The following DNAJC12 variants were observed in gnomAD, a reference collection of about 807,000 sequenced individuals.
DNAJC12 encodes the protein dnaJ homolog subfamily C member 12.
In DNAJC12, 25 loss-of-function variants were observed where a neutral mutation model predicts 28.5. The ratio of observed to expected loss-of-function variants is 0.88; its 90% CI spans 0.64 to 1.22. The LOEUF (loss-of-function observed/expected upper bound fraction) is 1.22. Ranked by LOEUF, DNAJC12 falls within the 50% of genes most tolerant of loss-of-function variation. The pLI is 0.00. For synonymous variants in DNAJC12, 77 were observed against 80.6 expected, an observed-to-expected ratio of 0.95 and a Z score of 0.24; for missense variants, 222 against 231.7, an observed-to-expected ratio of 0.96 and a Z score of 0.27.
At chr10:67,822,693 G>T (rs1030819238) in intron 2 of DNAJC12, among the ~76,000 whole-genome samples, 1 of 152,068 alleles carries the variant, frequency 6.6e-6, no homozygotes, top group African/African-American at 2.4e-5. Context: ...ATCACAACAA[G>T]TTTCTCATGA....
intron 3 of DNAJC12, 23 bp downstream of exon 3, chr10:67,811,501 G>A (rs201856212): frequency 2.4e-5 from 39 of 1,613,532 alleles, no homozygotes; most frequent in East Asian, 2.2e-4. Flanking sequence ...ACAAATTCAC[G>A]TCGCACCCAG....
chr10:67,808,718 A>G (rs1456484453), intron 3 of DNAJC12: 2 of 152,318 alleles, frequency 1.3e-5, no homozygotes, highest in African/African-American at 4.8e-5. Context: ...GCCATAGATC[A>G]GCTGAATAGC....
chr10:67,829,624 G>C (rs572359173), intron 1 of DNAJC12, among the ~76,000 whole-genome samples: 3 of 152,250 alleles, frequency 2.0e-5, no homozygotes, highest in Non-Finnish European at 4.4e-5. Context: ...CTGGGCGACA[G>C]AGTGAGACTC....
chr10:67,803,350 G>A (rs1841767089), intron 4 of DNAJC12, among the ~76,000 whole-genome samples: 1 of 152,096 alleles, frequency 6.6e-6, no homozygotes, highest in Admixed American at 6.5e-5. Context: ...TACTTTTAAA[G>A]CTCTCATAAG....
At chr10:67,816,562 T>C (rs1589607692) in intron 2 of DNAJC12, among the ~76,000 whole-genome samples, 1 of 112,192 alleles carries the variant, frequency 8.9e-6, no homozygotes, top group African/African-American at 3.5e-5. Context: ...TTTTTTTTTT[T>C]TGAGGCAGAG....
intron 1 of DNAJC12, 141 bp from the exon 2 acceptor site, chr10:67,823,533 T>C (rs1842001030): frequency 3.2e-6 from 2 of 634,468 alleles, no homozygotes; most frequent in African/African-American, 1.8e-5. Context: ...AGACCCAGTC[T>C]CTACAAAATA....
chr10:67,825,012 G>T (rs1842016199), intron 1 of DNAJC12, among the ~76,000 whole-genome samples: 1 of 152,160 alleles, frequency 6.6e-6, no homozygotes, highest in Non-Finnish European at 1.5e-5. Context: ...TGGAATTATA[G>T]GCGTGAGCCA....
chr10:67,810,087 G>A (rs1335528277), intron 3 of DNAJC12, among the ~76,000 whole-genome samples: 1 of 152,128 alleles, frequency 6.6e-6, no homozygotes, highest in African/African-American at 2.4e-5. Context: ...GCATGACTGG[G>A]AGGCCTCAGG....
intron 3 of DNAJC12, among the ~76,000 whole-genome samples, chr10:67,806,134 AT>A (rs1841798495): frequency 6.6e-6 from 1 of 152,232 alleles, no homozygotes; most frequent in Non-Finnish European, 1.5e-5. Flanking sequence ...AGTTTGCTGT[AT>A]CAAGAATATT....
chr10:67,799,854 G>A (rs1841722299), intron 4 of DNAJC12, among the ~76,000 whole-genome samples: 1 of 150,418 alleles, frequency 6.6e-6, no homozygotes, highest in South Asian at 2.1e-4. Context: ...CTGCACTCCA[G>A]CCTGGGCGAC....
chr10:67,828,253 T>C (rs1842056251), intron 1 of DNAJC12, among the ~76,000 whole-genome samples: 1 of 152,140 alleles, frequency 6.6e-6, no homozygotes, highest in African/African-American at 2.4e-5. Flanking sequence ...TGAAAAAAAT[T>C]GAGACATATA....
chr10:67,811,386 C>A (rs1841856387), intron 3 of DNAJC12, 138 bp downstream of exon 3: 1 of 1,502,746 alleles, frequency 6.7e-7, no homozygotes, highest in Non-Finnish European at 8.9e-7. Flanking sequence ...TTTACGGACA[C>A]TGAATTATAT....
intron 3 of DNAJC12, among the ~76,000 whole-genome samples, chr10:67,807,796 A>C (rs1297885227): frequency 6.6e-6 from 1 of 152,224 alleles, no homozygotes; most frequent in East Asian, 1.9e-4. Context: ...GGTTAGGATT[A>C]ATGTCTAATC....
chr10:67,800,875 A>C (rs1841736393), intron 4 of DNAJC12, among the ~76,000 whole-genome samples: 1 of 151,916 alleles, frequency 6.6e-6, no homozygotes, highest in African/African-American at 2.4e-5. Flanking sequence ...CCCGGGAGGC[A>C]GAGGTTGCAG....
At chr10:67,816,588 C>G (rs1841919086) in intron 2 of DNAJC12, among the ~76,000 whole-genome samples, 1 of 147,162 alleles carries the variant, frequency 6.8e-6, no homozygotes, top group Admixed American at 6.9e-5. Context: ...CTCTATAGCC[C>G]AGGCTGGAGC....
intron 2 of DNAJC12, among the ~76,000 whole-genome samples, chr10:67,817,556 A>C (rs928511773): frequency 1.3e-5 from 2 of 152,220 alleles, no homozygotes; most frequent in Admixed American, 6.5e-5. Flanking sequence ...CTGTCAAGCT[A>C]AACTTCAGTA....
At chr10:67,826,796 TCAGA>T (rs1842039143) in intron 1 of DNAJC12, among the ~76,000 whole-genome samples, 2 of 123,726 alleles carry the variant, frequency 1.6e-5, no homozygotes, top group African/African-American at 6.0e-5. Context: ...TCATTAGATA[TCAGA>T]TATATAATGA....
intron 2 of DNAJC12, among the ~76,000 whole-genome samples, chr10:67,817,515 T>G (rs1172419076): frequency 6.6e-6 from 1 of 152,230 alleles, no homozygotes; most frequent in Non-Finnish European, 1.5e-5. Flanking sequence ...ATTAGATACA[T>G]TTCAAAATCT....
chr10:67,819,184 T>C (rs1159001297), intron 2 of DNAJC12, among the ~76,000 whole-genome samples: 1 of 151,220 alleles, frequency 6.6e-6, no homozygotes, highest in Non-Finnish European at 1.5e-5. Context: ...ATACAAAAAA[T>C]TAGCCGGGCG....
Sources: gnomAD v4.1 joint callset for allele counts (sites outside exome capture counted in the v4.1 genomes callset) on GRCh38, gnomAD v4.1.1 for gene constraint, MANE v1.5 for transcripts, NCBI Gene and HGNC (gene_info 2026-07-23, HGNC 2026-07-21) for gene names.